BRIP1: variants seen among roughly 807,000 people sequenced by gnomAD.
BRIP1 encodes BRCA1 interacting DNA helicase 1.
Under a neutral mutation model 119.7 loss-of-function variants are expected in BRIP1, and 88 were observed. The ratio of observed to expected loss-of-function variants is 0.74; its 90% CI spans 0.62 to 0.88. BRIP1 has a LOEUF of 0.88. Among genes scored for constraint, BRIP1 ranks in the 40% least tolerant of loss-of-function variants. The pLI is 0.00. For synonymous variants in BRIP1, 443 were observed against 496.5 expected (o/e 0.89, Z 1.43); for missense variants, 1,259 against 1,455.4 (o/e 0.87, Z 2.20).
At chr17:61,826,368 T>C (rs367577490) in intron 6 of BRIP1, among the ~76,000 whole-genome samples, 5 of 152,074 alleles carry the variant, frequency 3.3e-5, no homozygotes, top group African/African-American at 1.2e-4. Flanking sequence ...ACAGAAGCAA[T>C]TGCAACAAAA....
Position 61,862,486 on chromosome 17 carries a change from G to A in BRIP1, c.-31+798C>T, listed in dbSNP as rs756754611. 6.6e-6 allele frequency among the ~76,000 whole-genome samples: 1 copy of A among 152,188 alleles called. No individual in the cohort carries two copies. The highest frequency in any genetic ancestry group is 1.5e-5 in the Non-Finnish European group (1 of 68,028). On this transcript the variant is annotated intron_variant, in intron 1 of 19. Transcript: ENST00000259008. This position sits in a 1 kb window ranked among gnomAD's most constrained non-coding sequence, Gnocchi z 5.3. ...ACCTAACCCAGGATCTGATACAGAT[G>A]AGGATCACTTTAATCCTCACCTCTT...
At chr17:61,800,698 A>AT (rs2077976641) in intron 8 of BRIP1, among the ~76,000 whole-genome samples, 1 of 152,160 alleles carries the variant, frequency 6.6e-6, no homozygotes, top group South Asian at 2.1e-4. Context: ...GTAGGATAGA[A>AT]GGGGTAGTAA....
rs2078387698 is a variant in BRIP1 at position 61,825,275 on chromosome 17, ACT to A, written c.628-16520_628-16519del. Among the ~76,000 whole-genome samples, 1 of 150,460 alleles carries A rather than the reference ACT, an allele frequency of 6.6e-6. No individual in the cohort carries two copies. Among genetic ancestry groups the A allele is most frequent in the Admixed American group, 6.7e-5 (1 of 15,020 alleles). The stretch of plus-strand genomic sequence containing the variant: ...ACTCCAGCCTGGGCGACAGAGCAAG[ACT>A]CTGTCTCAAAACGAAAAAAAAAAGA... On this transcript the variant is annotated intron_variant, in intron 6 of 19. Transcript: ENST00000259008. This position sits in a 1 kb window ranked among gnomAD's most constrained non-coding sequence, Gnocchi z 4.1.
At position 61,862,647 on chromosome 17, in the gene BRIP1, A is replaced by G. The variant is rs544272686; in HGVS notation, c.-31+637T>C. ...TCCATAGATTTCTCTTCCCGTAAAT[A>G]TATCTCAAGGAAATCAAAATAGCGG... On this transcript the variant is annotated intron_variant, in intron 1 of 19. Transcript: ENST00000259008. This position sits in a 1 kb window ranked among gnomAD's most constrained non-coding sequence, Gnocchi z 5.3. Among the ~76,000 whole-genome samples, 1 of 152,330 alleles carries G rather than the reference A, an allele frequency of 6.6e-6. No individual in the cohort carries two copies. Among genetic ancestry groups the G allele is most frequent in the Admixed American group, 6.5e-5 (1 of 15,302 alleles).
intron 6 of BRIP1, among the ~76,000 whole-genome samples, chr17:61,840,365 A>AAC (rs2145691967): frequency 6.6e-6 from 1 of 151,686 alleles, no homozygotes; most frequent in Admixed American, 6.6e-5. Context: ...CAAAAAAAAA[A>AAC]AAAAAAAAAA....
At chr17:61,728,326 A>C (rs1169171422) in intron 16 of BRIP1, among the ~76,000 whole-genome samples, 1 of 151,404 alleles carries the variant, frequency 6.6e-6, no homozygotes, top group Non-Finnish European at 1.5e-5. Context: ...AAAAAAAAAA[A>C]AAACCCCAGA....
chr17:61,762,756 G>A lies in BRIP1; in HGVS notation c.2097+13645C>T, dbSNP rs2077296409. The stretch of plus-strand genomic sequence containing the variant: ...TGGTGAGGATGTGGAGAAAAGGGAA[G>A]CCTTGGACACTGTTGGTAAGAATGT... On this transcript the variant is annotated intron_variant, in intron 14 of 19. Transcript: ENST00000259008. This position sits in a 1 kb window ranked among gnomAD's most constrained non-coding sequence, Gnocchi z 4.3. 6.6e-6 allele frequency among the ~76,000 whole-genome samples: 1 copy of A among 152,180 alleles called. No individual in the cohort carries two copies. Among genetic ancestry groups the A allele is most frequent in the African/African-American group, 2.4e-5 (1 of 41,552 alleles).
chr17:61,687,874 G>A lies in BRIP1; in HGVS notation c.2576-1709C>T, dbSNP rs1367255264. On this transcript the variant is annotated intron_variant, in intron 18 of 19. Transcript: ENST00000259008. This position sits in a 1 kb window ranked among gnomAD's most constrained non-coding sequence, Gnocchi z 5.1. ...AAACTGGACCTTATGTCTTTTTCTG[G>A]GAGGCTGCCCCAGGGACTGGCTTCT... Among the ~76,000 whole-genome samples, 1 of 152,144 alleles carries A rather than the reference G, an allele frequency of 6.6e-6. No homozygotes were observed. Among genetic ancestry groups the A allele is most frequent in the Non-Finnish European group, 1.5e-5 (1 of 68,020 alleles).
Position 61,855,681 on chromosome 17 carries a change from A to T in BRIP1, c.379+1377T>A, listed in dbSNP as rs1166481559. On this transcript the variant is annotated intron_variant, in intron 4 of 19. Coordinates refer to ENST00000259008, the MANE Select transcript of BRIP1 (RefSeq NM_032043.3). ...AAAAGGTTGTATATAAATATTATAC[A>T]CCAGAATTCCTATAATTAGCTGAAA... 2.0e-5 allele frequency among the ~76,000 whole-genome samples: 3 copies of T among 152,142 alleles called. No individual in the cohort carries two copies. In the East Asian group the frequency reaches 5.8e-4, roughly 29 times the overall value.
rs2061509036 is a variant in BRIP1 at position 61,695,627 on chromosome 17, T to C, written c.2493-2115A>G. ...CTTCTAATCCATGAACGTGGGATTCTTTCCATTTATTTAGAATTTTCTTTC... is the reference window on the plus strand; with the variant it reads ...CTTCTAATCCATGAACGTGGGATTCCTTCCATTTATTTAGAATTTTCTTTC... On this transcript the variant is annotated intron_variant, in intron 17 of 19. Transcript: ENST00000259008. This position sits in a 1 kb window ranked among gnomAD's most constrained non-coding sequence, Gnocchi z 4.3. 6.6e-6 allele frequency among the ~76,000 whole-genome samples: 1 copy of C among 152,164 alleles called. No homozygotes were observed. The highest frequency in any genetic ancestry group is 1.5e-5 in the Non-Finnish European group (1 of 67,990).
In BRIP1 at chr17:61,822,587, A is replaced by G. The variant is rs986818363; in HGVS notation, c.628-13830T>C. Among the ~76,000 whole-genome samples, 5 of 152,184 alleles carry G rather than the reference A, an allele frequency of 3.3e-5. No homozygotes were observed. Among genetic ancestry groups the G allele is most frequent in the African/African-American group, 9.6e-5 (4 of 41,456 alleles). On this transcript the variant is annotated intron_variant, in intron 6 of 19. Coordinates refer to ENST00000259008, the MANE Select transcript of BRIP1 (RefSeq NM_032043.3). The surrounding 1 kb of genome is among the most constrained non-coding windows in gnomAD (Gnocchi z 4.4). Reference sequence around the variant, plus strand: ...AAAACAGACTGCTCTCACATCTACTATTGTTCAGAATATTAGATTAAGGAA... The same window carrying G: ...AAAACAGACTGCTCTCACATCTACTGTTGTTCAGAATATTAGATTAAGGAA...
rs1353586311 is a variant in BRIP1 at position 61,701,584 on chromosome 17, T to C, written c.2493-8072A>G. Among the ~76,000 whole-genome samples, 1 of 152,240 alleles carries C rather than the reference T, an allele frequency of 6.6e-6. No homozygotes were observed. Among genetic ancestry groups the C allele is most frequent in the Non-Finnish European group, 1.5e-5 (1 of 68,038 alleles). The stretch of plus-strand genomic sequence containing the variant: ...GGCCTTTTCAGGTCTTTTCTTAGCA[T>C]GTCCACATCACTGGTCACATGCACT... On this transcript the variant is annotated intron_variant, in intron 17 of 19. Coordinates refer to ENST00000259008, the MANE Select transcript of BRIP1 (RefSeq NM_032043.3). The surrounding 1 kb of genome is among the most constrained non-coding windows in gnomAD (Gnocchi z 5.1).
chr17:61,856,587 T>C lies in BRIP1; in HGVS notation c.379+471A>G, dbSNP rs762299880. 1.3e-5 allele frequency among the ~76,000 whole-genome samples: 2 copies of C among 152,174 alleles called. No homozygotes were observed. The highest frequency in any genetic ancestry group is 2.4e-5 in the African/African-American group (1 of 41,454). ...ATTAATAATCTTATGTTACTCTTAATGTATTTCTCTAAAATTAGTAAAAAT... is the reference window on the plus strand; with the variant it reads ...ATTAATAATCTTATGTTACTCTTAACGTATTTCTCTAAAATTAGTAAAAAT... On this transcript the variant is annotated intron_variant, in intron 4 of 19. Coordinates refer to ENST00000259008, the MANE Select transcript of BRIP1 (RefSeq NM_032043.3). The surrounding 1 kb of genome is among the most constrained non-coding windows in gnomAD (Gnocchi z 5.1).
rs1226658018 is a variant in BRIP1, at chr17:61,799,303, T to C, written c.1141-4A>G. 34 of 1,605,690 alleles carry C rather than the reference T, an allele frequency of 2.1e-5. No individual in the cohort carries two copies. The highest frequency in any genetic ancestry group is 2.7e-5 in the Non-Finnish European group (32 of 1,173,182). On this transcript the variant is annotated splice_polypyrimidine_tract_variant and splice_region_variant and intron_variant, in intron 8 of 19. Transcript: ENST00000259008. The surrounding 1 kb of genome is among the most constrained non-coding windows in gnomAD (Gnocchi z 5.1). ...GTTCTTTCAGATTTAAATCCATCTA[T>C]AAGATAAAAGAATTTTCTTGTAAAA...
intron 3 of BRIP1, among the ~76,000 whole-genome samples, chr17:61,858,090 A>C (rs1217890239): frequency 6.6e-6 from 1 of 152,296 alleles, no homozygotes; most frequent in East Asian, 1.9e-4. Flanking sequence ...TAAAATAGGT[A>C]ATTTTAGTGC....
rs1292946959 is a variant in BRIP1 at position 61,687,007 on chromosome 17, T to TC, written c.2576-843dup. On this transcript the variant is annotated intron_variant, in intron 18 of 19. Coordinates refer to ENST00000259008, the MANE Select transcript of BRIP1 (RefSeq NM_032043.3). The surrounding 1 kb of genome is among the most constrained non-coding windows in gnomAD (Gnocchi z 5.1). Reference sequence around the variant, plus strand: ...CTAAAAAAATTTTAAATAAGCCATTTCCCTTGAAGTTTTTTATTTTGTTCA... The same window carrying TC: ...CTAAAAAAATTTTAAATAAGCCATTTCCCCTTGAAGTTTTTTATTTTGTTCA... Among the ~76,000 whole-genome samples the TC allele has an allele frequency of 7.2e-5, 11 of 152,288 alleles. No homozygotes were observed. The highest frequency in any genetic ancestry group is 4.6e-4 in the Admixed American group (7 of 15,296).
chr17:61,779,455 A>G (rs186690295), intron 13 of BRIP1, among the ~76,000 whole-genome samples: 2 of 152,170 alleles, frequency 1.3e-5, no homozygotes, highest in Admixed American at 1.3e-4. Flanking sequence ...CCCCGTCTCT[A>G]CTAAAAATAC....
Position 61,848,010 on chromosome 17 carries a change from T to C in BRIP1, c.508-790A>G, listed in dbSNP as rs2078760453. ...TTGGTACTTTGATAAAATAAACTAG[T>C]TCATTCTATTTCTAAAAACAAGGCT... On this transcript the variant is annotated intron_variant, in intron 5 of 19. Coordinates refer to ENST00000259008, the MANE Select transcript of BRIP1 (RefSeq NM_032043.3). The surrounding 1 kb of genome is among the most constrained non-coding windows in gnomAD (Gnocchi z 4.3). Among the ~76,000 whole-genome samples the C allele has an allele frequency of 6.6e-6, 1 of 152,166 alleles. No individual in the cohort carries two copies. Among genetic ancestry groups the C allele is most frequent in the African/African-American group, 2.4e-5 (1 of 41,450 alleles).
chr17:61,762,959 T>C lies in BRIP1; in HGVS notation c.2097+13442A>G, dbSNP rs1419956161. On this transcript the variant is annotated intron_variant, in intron 14 of 19. Coordinates refer to ENST00000259008, the MANE Select transcript of BRIP1 (RefSeq NM_032043.3). The surrounding 1 kb of genome is among the most constrained non-coding windows in gnomAD (Gnocchi z 4.3). The stretch of plus-strand genomic sequence containing the variant: ...TGTAGCATTGTTCATTTGGCTGGAA[T>C]TGGAGAACATTATGCTAAGTGAAAT... Among the ~76,000 whole-genome samples the C allele has an allele frequency of 6.6e-6, 1 of 152,144 alleles. No individual in the cohort carries two copies. Among genetic ancestry groups the C allele is most frequent in the Non-Finnish European group, 1.5e-5 (1 of 68,018 alleles).
Sources: gnomAD v4.1 joint callset for allele counts (sites outside exome capture counted in the v4.1 genomes callset) on GRCh38, gnomAD v4.1.1 for gene constraint, Gnocchi (gnomAD v3.1) non-coding constraint, MANE v1.5 for transcripts, NCBI Gene and HGNC (gene_info 2026-07-23, HGNC 2026-07-21) for gene names.